PDE4D: variants seen among roughly 807,000 people sequenced by gnomAD.
PDE4D encodes phosphodiesterase 4D.
Under a neutral mutation model 87.4 loss-of-function variants are expected in PDE4D, and 24 were observed. The ratio of observed to expected loss-of-function variants is 0.27; its 90% CI spans 0.20 to 0.39. PDE4D has a LOEUF of 0.39. Among genes scored for constraint, PDE4D ranks in the 10% least tolerant of loss-of-function variants. The pLI, the probability that PDE4D is intolerant of heterozygous loss-of-function variation, is 1.00. For synonymous variants in PDE4D, 384 were observed against 383.2 expected (o/e 1.00, Z -0.02); for missense variants, 714 against 1,041.0 (o/e 0.69, Z 4.32).
chr5:59,921,939 C>T (rs1023310753), intron 3 of PDE4D, among the ~76,000 whole-genome samples: 3 of 152,160 alleles, frequency 2.0e-5, no homozygotes, highest in African/African-American at 7.2e-5. Flanking sequence ...GTGAAAAAGG[C>T]ACTGAAGAGG....
chr5:59,821,283 AAG>A (rs984895050), intron 1 of PDE4D, among the ~76,000 whole-genome samples: 12 of 151,874 alleles, frequency 7.9e-5, no homozygotes, highest in African/African-American at 2.4e-4. Context: ...ACAAAAGAAA[AAG>A]AAATAGAAAA....
At chr5:60,400,665 C>T (rs1474228119) in intron 1 of PDE4D, among the ~76,000 whole-genome samples, 1 of 151,868 alleles carries the variant, frequency 6.6e-6, no homozygotes, top group Non-Finnish European at 1.5e-5. Context: ...GGTGCGATGG[C>T]TCACGCCTGT....
intron 1 of PDE4D, among the ~76,000 whole-genome samples, chr5:59,771,531 A>AAAGAAAGAAAGAAAGAAAGAAAG (rs1763565876): frequency 1.4e-5 from 2 of 147,758 alleles, no homozygotes; most frequent in African/African-American, 5.3e-5. Flanking sequence ...AGAAAGAAAG[A>AAAGAAAGAAAGAAAGAAAGAAAG]AAGAAAGAAA....
upstream of PDE4D, chr5:59,893,915 C>G (rs1045232600): frequency 1.2e-6 from 1 of 864,034 alleles, no homozygotes; most frequent in African/African-American, 1.8e-5. Context: ...CCGGTTTCGC[C>G]AGAGGTTGGT....
intron 1 of PDE4D, among the ~76,000 whole-genome samples, chr5:59,421,286 C>G (rs2607349): frequency 0.64 from 97,806 of 151,976 alleles, 31,900 homozygotes; most frequent in Middle Eastern, 0.77. Flanking sequence ...TTATAAAACA[C>G]AGTACGTTTT....
At chr5:59,295,502 T>A (rs1394349624) in intron 1 of PDE4D, among the ~76,000 whole-genome samples, 1 of 152,154 alleles carries the variant, frequency 6.6e-6, no homozygotes, top group Non-Finnish European at 1.5e-5. Context: ...TCCAGGTAGC[T>A]CTTCAGGTGC....
intron 1 of PDE4D, among the ~76,000 whole-genome samples, chr5:60,315,333 G>GT (rs1294695927): frequency 6.6e-6 from 1 of 152,174 alleles, no homozygotes; most frequent in Non-Finnish European, 1.5e-5. Context: ...TGATGGGGTT[G>GT]TTTGTTTTTT....
chr5:59,587,479 A>G (rs1473214659), intron 1 of PDE4D: 1 of 985,312 alleles, frequency 1.0e-6, no homozygotes, highest in Non-Finnish European at 1.2e-6. Flanking sequence ...CACAATGGCA[A>G]CAGGCTCCTG....
At chr5:60,049,331 GTAA>G (rs1769774658) in intron 2 of PDE4D, among the ~76,000 whole-genome samples, 1 of 151,998 alleles carries the variant, frequency 6.6e-6, no homozygotes, top group Non-Finnish European at 1.5e-5. Context: ...GTACCTCAGC[GTAA>G]TTTGATTGTC....
chr5:59,803,778 T>C (rs766842068), intron 1 of PDE4D, among the ~76,000 whole-genome samples: 1 of 152,202 alleles, frequency 6.6e-6, no homozygotes, highest in Non-Finnish European at 1.5e-5. Context: ...CACTCATGCT[T>C]CAACACAGAC....
intron 1 of PDE4D, among the ~76,000 whole-genome samples, chr5:59,638,818 G>A (rs1056868357): frequency 6.6e-6 from 1 of 152,052 alleles, no homozygotes; most frequent in Non-Finnish European, 1.5e-5. Flanking sequence ...AAAAAATGAG[G>A]CAGGTATGAG....
chr5:59,122,288 A>C (rs370874582), intron 5 of PDE4D, among the ~76,000 whole-genome samples: 36 of 152,322 alleles, frequency 2.4e-4, no homozygotes, highest in East Asian at 1.7e-3. Context: ...CTTTATGTTA[A>C]GTGAAATAAA....
chr5:59,389,389 T>A (rs1787777670), intron 1 of PDE4D, among the ~76,000 whole-genome samples: 9 of 151,722 alleles, frequency 5.9e-5, no homozygotes, highest in Admixed American at 5.9e-4. Context: ...ATATAAAATT[T>A]TAATATATAT....
intron 2 of PDE4D, among the ~76,000 whole-genome samples, chr5:60,155,677 A>C (rs1781903465): frequency 6.6e-6 from 1 of 152,224 alleles, no homozygotes; most frequent in African/African-American, 2.4e-5. Context: ...TTAATAAATA[A>C]ATAAATTATA....
chr5:59,820,879 C>A (rs1409300420), intron 1 of PDE4D, among the ~76,000 whole-genome samples: 2 of 152,084 alleles, frequency 1.3e-5, no homozygotes, highest in East Asian at 3.9e-4. Flanking sequence ...ATAAAATATG[C>A]CAAGAACGTC....
At chr5:59,150,173 T>A (rs1581073133) in intron 5 of PDE4D, among the ~76,000 whole-genome samples, 1 of 152,026 alleles carries the variant, frequency 6.6e-6, no homozygotes, top group East Asian at 1.9e-4. Context: ...AGGATAAGGA[T>A]GGTTTTTCTG....
chr5:59,301,603 A>G (rs1770264953), intron 1 of PDE4D, among the ~76,000 whole-genome samples: 1 of 152,126 alleles, frequency 6.6e-6, no homozygotes, highest in Admixed American at 6.6e-5. Context: ...GCAAAGACAC[A>G]TTTTAGTGAG....
chr5:59,074,473 C>CT (rs1167138442), intron 5 of PDE4D, among the ~76,000 whole-genome samples: 2 of 152,022 alleles, frequency 1.3e-5, no homozygotes, highest in African/African-American at 4.8e-5. Context: ...TAGAAAGCGT[C>CT]TAGGCCAGGT....
At chr5:60,276,238 T>G (rs1435940358) in intron 1 of PDE4D, among the ~76,000 whole-genome samples, 1 of 152,214 alleles carries the variant, frequency 6.6e-6, no homozygotes, top group Non-Finnish European at 1.5e-5. Flanking sequence ...GAGTCTTAAC[T>G]GTAATTGAAG....
Sources: allele counts gnomAD v4.1 joint callset (sites outside exome capture counted in the v4.1 genomes callset), GRCh38; gene constraint gnomAD v4.1.1; transcripts MANE v1.5; gene names NCBI Gene and HGNC (gene_info 2026-07-23, HGNC 2026-07-21).